Variants in GRIP1 observed in about 807,000 individuals in gnomAD.
GRIP1 encodes the protein glutamate receptor-interacting protein 1.
GRIP1 carries 45 observed loss-of-function variants against 129.9 expected under a neutral mutation model. That is an observed-to-expected ratio of 0.35 (90% confidence interval 0.27 to 0.44). The LOEUF (loss-of-function observed/expected upper bound fraction) is 0.44. Ranked by LOEUF, GRIP1 falls within the 20% of genes least tolerant of loss-of-function variation. GRIP1 has a pLI of 1.00. For synonymous variants in GRIP1, 530 were observed against 520.8 expected (o/e 1.02, Z -0.24); for missense variants, 1,196 against 1,396.8 (o/e 0.86, Z 2.29).
rs551232083 is a variant in GRIP1, at chr12:66,612,476, T to C, written c.56-15549A>G. Among the ~76,000 whole-genome samples the C allele has an allele frequency of 3.9e-5, 6 of 152,114 alleles. No homozygotes were observed. In the South Asian group the frequency reaches 8.3e-4, roughly 21 times the overall value. On this transcript the variant is annotated intron_variant, in intron 1 of 24. Coordinates refer to ENST00000359742, the MANE Select transcript of GRIP1 (RefSeq NM_001366722.1). ...GAGTTCCAGACAAGCCTGGGTAACA[T>C]AGGGGGACCCTGAGTTTAAAAAGTT... is the stretch of plus-strand genomic sequence containing the variant.
chr12:66,723,275 CCTTCCTTCCTTT>C (rs1274209966), intron 1 of GRIP1, among the ~76,000 whole-genome samples: 9 of 11,512 alleles, frequency 7.8e-4, no homozygotes, highest in South Asian at 4.9e-3. Context: ...TTCCTTCCTT[CCTTCCTTCCTTT>C]CTTTCTTTCT....
At chr12:66,349,914 T>C (rs757768774) in intron 24 of GRIP1, among the ~76,000 whole-genome samples, 1 of 152,118 alleles carries the variant, frequency 6.6e-6, no homozygotes, top group Non-Finnish European at 1.5e-5. Flanking sequence ...ACACAAGTTT[T>C]TAAAATCACC....
At chr12:66,540,211 C>T (rs746070739) in intron 3 of GRIP1, among the ~76,000 whole-genome samples, 11 of 152,150 alleles carry the variant, frequency 7.2e-5, no homozygotes, top group Non-Finnish European at 5.9e-5. Flanking sequence ...TTTTTTATGC[C>T]TTATCTCCAC....
chr12:66,610,200 G>T (rs1447007987), intron 1 of GRIP1, among the ~76,000 whole-genome samples: 2 of 150,354 alleles, frequency 1.3e-5, no homozygotes, highest in African/African-American at 4.9e-5. Flanking sequence ...AATCAGGAAG[G>T]AATATATACA....
chr12:66,654,382 T>C lies in GRIP1; in HGVS notation c.55+24468A>G, dbSNP rs534146709. 5.9e-5 allele frequency among the ~76,000 whole-genome samples: 9 copies of C among 151,624 alleles called. No homozygotes were observed. The South Asian group carries it at 1.9e-3, about 32-fold the overall frequency. On this transcript the variant is annotated intron_variant, in intron 1 of 24. Coordinates refer to ENST00000359742, the MANE Select transcript of GRIP1 (RefSeq NM_001366722.1). The stretch of plus-strand genomic sequence containing the variant: ...ATAGGTCAAGTCCTACAGAAGAGGG[T>C]TGTAGAGAGGATTTTTGGAAAGGTA...
At chr12:66,515,314 T>C (rs2060812787) in intron 7 of GRIP1, among the ~76,000 whole-genome samples, 1 of 152,008 alleles carries the variant, frequency 6.6e-6, no homozygotes, top group Non-Finnish European at 1.5e-5. Context: ...ACTATTTTTG[T>C]GATTTGGAGG....
At position 66,783,705 on chromosome 12, in the gene GRIP1, TAG is replaced by T. The variant is rs145845828; in HGVS notation, c.-420+20346_-420+20347del. Among the ~76,000 whole-genome samples, 10 of 152,268 alleles carry T rather than the reference TAG, an allele frequency of 6.6e-5. No homozygotes were observed. The East Asian group carries it at 1.9e-3, about 29-fold the overall frequency. ...GATATTTAAGATAAGGTATTCTAAA[TAG>T]AGTCTAGGTAACCACTTATACCTTA... On this transcript the variant is annotated intron_variant, in intron 1 of 4. Coordinates refer to the GRIP1 transcript ENST00000538373.
intron 1 of GRIP1, among the ~76,000 whole-genome samples, chr12:66,790,514 C>CT (rs1317881656): frequency 6.6e-6 from 1 of 152,038 alleles, no homozygotes; most frequent in East Asian, 1.9e-4. Flanking sequence ...TTATTAAGCT[C>CT]TAACTATGGA....
Position 66,477,434 on chromosome 12 carries a change from G to A in GRIP1, c.725-12012C>T, listed in dbSNP as rs1227418670. Reference sequence around the variant, plus strand: ...CTCATAGATAGGAAGAATCAATACCGTGAAAATGGCCATACTGCCCCAGGT... The same window carrying A: ...CTCATAGATAGGAAGAATCAATACCATGAAAATGGCCATACTGCCCCAGGT... On this transcript the variant is annotated intron_variant, in intron 7 of 24. Transcript: ENST00000359742. Among the ~76,000 whole-genome samples the A allele has an allele frequency of 1.2e-3, 182 of 151,940 alleles. 1 individual carries two copies. The highest frequency in any genetic ancestry group is 3.9e-3 in the African/African-American group (160 of 41,334).
chr12:66,389,381 C>T (rs1460546736), intron 19 of GRIP1, among the ~76,000 whole-genome samples: 2 of 152,112 alleles, frequency 1.3e-5, no homozygotes, highest in African/African-American at 4.8e-5. Context: ...GTGTGTGCCA[C>T]CACGCCTGGC....
chr12:66,755,889 A>G (rs2037273442), intron 1 of GRIP1, among the ~76,000 whole-genome samples: 2 of 152,186 alleles, frequency 1.3e-5, no homozygotes, highest in African/African-American at 4.8e-5. Context: ...CCTATCCAGT[A>G]GAGTTCCATG....
At chr12:66,570,346 G>T (rs2062918273) in intron 2 of GRIP1, among the ~76,000 whole-genome samples, 2 of 152,050 alleles carry the variant, frequency 1.3e-5, no homozygotes, top group African/African-American at 2.4e-5. Context: ...CAAACTCCTG[G>T]CCTCAAGTGA....
chr12:66,817,464 C>T (rs1319894460), intron 1 of GRIP1, among the ~76,000 whole-genome samples: 1 of 152,128 alleles, frequency 6.6e-6, no homozygotes, highest in East Asian at 1.9e-4. Flanking sequence ...GGCTGGAGTG[C>T]AGTGACATGA....
chr12:66,832,660 T>C (rs1038158708), intron 1 of GRIP1, among the ~76,000 whole-genome samples: 4 of 152,208 alleles, frequency 2.6e-5, no homozygotes, highest in Non-Finnish European at 4.4e-5. Flanking sequence ...GAAGAAAATA[T>C]CCAAATTATA....
chr12:66,601,850 C>T (rs1418035234), intron 1 of GRIP1, among the ~76,000 whole-genome samples: 1 of 152,144 alleles, frequency 6.6e-6, no homozygotes, highest in African/African-American at 2.4e-5. Context: ...CAATTAAATG[C>T]CACACAATTT....
intron 1 of GRIP1, among the ~76,000 whole-genome samples, chr12:66,741,629 A>C (rs2036790057): frequency 6.6e-6 from 1 of 152,232 alleles, no homozygotes; most frequent in Non-Finnish European, 1.5e-5. Context: ...TTAATGCCAA[A>C]AATTTCCCAT....
In GRIP1 at chr12:66,410,249, C is replaced by CAAAA. The variant is rs1177155122; in HGVS notation, c.1839-3825_1839-3822dup. On this transcript the variant is annotated intron_variant, in intron 15 of 24. Coordinates refer to ENST00000359742, the MANE Select transcript of GRIP1 (RefSeq NM_001366722.1). ...TGGGCGACAGAGCGAGACTCCGTCT[C>CAAAA]AAAAAAAAAAAAAAAAAAAAAAGAA... Among the ~76,000 whole-genome samples the CAAAA allele has an allele frequency of 4.9e-3, 232 of 47,374 alleles. 2 individuals carry two copies. Among genetic ancestry groups the CAAAA allele is most frequent in the East Asian group, 8.4e-3 (13 of 1,546 alleles). 31.1% of individuals were successfully genotyped at this position (47,374 alleles called of 152,430 possible). A position where few individuals can be genotyped will look rare whatever the true frequency, so the allele number is the denominator to read the frequency against.
intron 1 of GRIP1, among the ~76,000 whole-genome samples, chr12:66,889,198 G>A (rs1035385607): frequency 5.9e-5 from 9 of 152,168 alleles, no homozygotes; most frequent in African/African-American, 1.2e-4. Flanking sequence ...GGCAGCTCAC[G>A]CCTGTAATCC....
chr12:66,799,399 ACTAAATACAG>A (rs1200465611), intron 1 of GRIP1, among the ~76,000 whole-genome samples: 14 of 152,160 alleles, frequency 9.2e-5, no homozygotes, highest in African/African-American at 2.9e-4. Context: ...TTTGAGTTAA[ACTAAATACAG>A]CTAAGGCTTG....
Sources: gnomAD v4.1 joint callset for allele counts (sites outside exome capture counted in the v4.1 genomes callset) on GRCh38, gnomAD v4.1.1 for gene constraint, MANE v1.5 for transcripts, NCBI Gene and HGNC (gene_info 2026-07-23, HGNC 2026-07-21) for gene names.